The following APOO variants were observed in gnomAD, a reference collection of about 807,000 sequenced individuals.
The protein encoded by APOO is MICOS complex subunit MIC26.
In APOO, 11 loss-of-function variants were observed where a neutral mutation model predicts 23.1. The ratio of observed to expected loss-of-function variants is 0.48; its 90% CI spans 0.30 to 0.79. The LOEUF (loss-of-function observed/expected upper bound fraction) is 0.79, where lower values mean the gene tolerates loss of function less well. APOO is among the 30% of genes least tolerant of loss of function. The pLI, the probability that APOO is intolerant of heterozygous loss-of-function variation, is 0.07. For missense variants in APOO, 160 were observed against 142.7 expected, an observed-to-expected ratio of 1.12 and a Z score of -0.62; for synonymous variants, 59 against 54.8, an observed-to-expected ratio of 1.08 and a Z score of -0.34.
At chrX:23,855,237 C>T (rs1309524117) in intron 7 of APOO, among the ~76,000 whole-genome samples, 1 of 109,054 alleles carries the variant, frequency 9.2e-6, no homozygotes. Flanking sequence ...GTTGCCTAGG[C>T]TGGTCTCAAA....
rs374522687 is a variant in APOO, at chrX:23,878,903, G to A, written c.237+12C>T. ...CAGAAATGCGTTCACTCCATTTTCA[G>A]AACAGTTGTACCTGACACCAGGTTG... On this transcript the variant is annotated intron_variant, in intron 3 of 8. Transcript: ENST00000379226. 2.5e-6 allele frequency: 3 copies of A among 1,204,769 alleles called. No individual in the cohort carries two copies. The highest frequency in any genetic ancestry group is 1.8e-5 in the African/African-American group (1 of 56,768).
chrX:23,889,998 C>T (rs1234132204), intron 1 of APOO, among the ~76,000 whole-genome samples: 1 of 111,249 alleles, frequency 9.0e-6, no homozygotes, highest in African/African-American at 3.3e-5. Flanking sequence ...ATTCTAACAG[C>T]TTCCCCCAGA....
At chrX:23,853,590 G>A (rs1457195182) in intron 7 of APOO, among the ~76,000 whole-genome samples, 1 of 107,460 alleles carries the variant, frequency 9.3e-6, no homozygotes, top group Non-Finnish European at 1.9e-5. Flanking sequence ...TTACAGGCAT[G>A]AGCCACCGAG....
chrX:23,849,716 A>AC (rs1330774190), intron 7 of APOO, among the ~76,000 whole-genome samples: 1 of 107,194 alleles, frequency 9.3e-6, no homozygotes, highest in African/African-American at 3.4e-5. Flanking sequence ...ATATGGTGAA[A>AC]CCCCATCTCT....
At chrX:23,845,402 G>A (rs1447541599) in intron 7 of APOO, among the ~76,000 whole-genome samples, 3 of 111,407 alleles carry the variant, frequency 2.7e-5, no homozygotes, top group Admixed American at 9.6e-5. Context: ...ATTTTTAAGT[G>A]TACAATACGG....
intron 4 of APOO, among the ~76,000 whole-genome samples, chrX:23,869,135 C>T (rs756704821): frequency 1.8e-5 from 2 of 110,047 alleles, no homozygotes; most frequent in South Asian, 7.8e-4. Flanking sequence ...TCTCGAACTC[C>T]TGACCTCAGG....
At chrX:23,863,071 T>C (rs775690477) in intron 5 of APOO, among the ~76,000 whole-genome samples, 7 of 112,042 alleles carry the variant, frequency 6.2e-5, no homozygotes, top group East Asian at 2.8e-4. Context: ...TGGTGGCTCA[T>C]GCCTGTAATC....
rs147054871 is a variant in APOO at position 23,842,963 on chromosome X, A to G, written c.562-2586T>C. Reference sequence around the variant, plus strand: ...GCGGAGGTTGCAGTGAGCCAAGATCACGCCATTGCACTCCAGCCTGGGCAA... The same window carrying G: ...GCGGAGGTTGCAGTGAGCCAAGATCGCGCCATTGCACTCCAGCCTGGGCAA... On this transcript the variant is annotated intron_variant, in intron 7 of 8. Transcript: ENST00000379226. Among the ~76,000 whole-genome samples, 657 of 111,986 alleles carry G rather than the reference A, an allele frequency of 5.9e-3. 8 individuals carry two copies. The highest frequency in any genetic ancestry group is 0.02 in the African/African-American group (626 of 30,864).
At chrX:23,902,606 T>C (rs1476724530) in intron 1 of APOO, among the ~76,000 whole-genome samples, 1 of 112,070 alleles carries the variant, frequency 8.9e-6, no homozygotes, top group East Asian at 2.8e-4. Flanking sequence ...ATGCAAATAC[T>C]GGGCAGCTTT....
At chrX:23,904,801 T>C (rs139772244) in intron 1 of APOO, among the ~76,000 whole-genome samples, 4,524 of 111,108 alleles carry the variant, frequency 0.041, 86 homozygotes, top group South Asian at 0.11. Context: ...CCACCGTGCC[T>C]GGCCTGACAC....
intron 1 of APOO, among the ~76,000 whole-genome samples, chrX:23,901,427 C>T (rs1927127989): frequency 9.0e-6 from 1 of 111,362 alleles, no homozygotes; most frequent in Non-Finnish European, 1.9e-5. Flanking sequence ...GCAAGCCCAA[C>T]CTGTTCAAAA....
intron 8 of APOO, among the ~76,000 whole-genome samples, chrX:23,834,395 CA>C (rs1215835629): frequency 0.027 from 875 of 31,895 alleles, 3 homozygotes; most frequent in South Asian, 0.072. Flanking sequence ...AACTCTGTCT[CA>C]AAAAAAAAAA....
intron 1 of APOO, among the ~76,000 whole-genome samples, chrX:23,890,383 A>G (rs1164913918): frequency 1.8e-5 from 2 of 112,183 alleles, no homozygotes; most frequent in Non-Finnish European, 3.8e-5. Flanking sequence ...TAGAAGGCAG[A>G]ATAGTGGATA....
rs762111197 is a variant in APOO at position 23,838,396 on chromosome X, A to G, written c.*29+1917T>C. ...AAAAAAAGAAAGAAAGAAAAAGAAA[A>G]GAATAAAGGATAAGACAAGCTTTTT... On this transcript the variant is annotated intron_variant, in intron 8 of 8. Coordinates refer to ENST00000379226, the MANE Select transcript of APOO (RefSeq NM_024122.5). Among the ~76,000 whole-genome samples, 170 of 105,921 alleles carry G rather than the reference A, an allele frequency of 1.6e-3. 1 individual carries two copies. The highest frequency in any genetic ancestry group is 3.0e-3 in the Non-Finnish European group (155 of 51,596). 92.0% of individuals were successfully genotyped at this position (105,921 alleles called of 115,157 possible).
rs142054336 is a variant in APOO, at chrX:23,861,964, C to T, written c.389-3231G>A. On this transcript the variant is annotated intron_variant, in intron 5 of 8. Transcript: ENST00000379226. ...GATTACAGACACCCTCCACCACACCCGGCTATTTTTTGTATTTTTAGTAGA... is the reference window on the plus strand; with the variant it reads ...GATTACAGACACCCTCCACCACACCTGGCTATTTTTTGTATTTTTAGTAGA... 2.1e-3 allele frequency among the ~76,000 whole-genome samples: 230 copies of T among 109,613 alleles called. 2 individuals carry two copies. In the East Asian group the frequency reaches 0.024, roughly 12 times the overall value.
intron 3 of APOO, among the ~76,000 whole-genome samples, chrX:23,878,349 G>C (rs970162021): frequency 3.6e-5 from 4 of 112,024 alleles, no homozygotes; most frequent in African/African-American, 1.3e-4. Context: ...CCCAGGGAGA[G>C]GGAAATTCTC....
At chrX:23,849,487 C>T (rs917753492) in intron 7 of APOO, among the ~76,000 whole-genome samples, 1 of 103,460 alleles carries the variant, frequency 9.7e-6, no homozygotes, top group Admixed American at 1.1e-4. Flanking sequence ...CCGTTGGAAA[C>T]TCTATAGGTG....
At chrX:23,856,434 T>C (rs1328044990) in intron 6 of APOO, 52 bp from the exon 7 acceptor site, 6 of 948,124 alleles carry the variant, frequency 6.3e-6, no homozygotes, top group Admixed American at 4.8e-5. Flanking sequence ...ATCCCTATTA[T>C]TGGGAATAAT....
chrX:23,875,445 T>C (rs1925803182), intron 3 of APOO, among the ~76,000 whole-genome samples: 1 of 102,174 alleles, frequency 9.8e-6, no homozygotes, highest in Non-Finnish European at 2.0e-5. Flanking sequence ...TGAGATAGAG[T>C]TTCGCTTTTG....
Sources: allele counts gnomAD v4.1 joint callset (sites outside exome capture counted in the v4.1 genomes callset), GRCh38; gene constraint gnomAD v4.1.1; transcripts MANE v1.5; gene names NCBI Gene and HGNC (gene_info 2026-07-23, HGNC 2026-07-21).